Variants in NOX1 observed in about 807,000 individuals in gnomAD.
The protein encoded by NOX1 is NADPH oxidase 1.
A neutral mutation model predicts 42.5 loss-of-function variants in NOX1; 34 were observed. That is an observed-to-expected ratio of 0.80 (90% CI 0.61 to 1.07). The LOEUF is 1.07. Ranked by LOEUF, NOX1 falls within the 50% of genes least tolerant of loss-of-function variation. NOX1 has a pLI of 0.00. For missense variants in NOX1, 408 were observed against 427.0 expected (o/e 0.96, Z 0.39); for synonymous variants, 143 against 152.5 (o/e 0.94, Z 0.46).
chrX:100,872,917 A>G (rs184616440), intron 1 of NOX1, among the ~76,000 whole-genome samples: 1 of 109,878 alleles, frequency 9.1e-6, no homozygotes, highest in African/African-American at 3.3e-5. Context: ...GGAACTCAAT[A>G]TAAGGCATTG....
intron 7 of NOX1, among the ~76,000 whole-genome samples, chrX:100,859,345 C>T (rs902786894): frequency 1.6e-4 from 18 of 111,621 alleles, no homozygotes; most frequent in African/African-American, 3.3e-4. Flanking sequence ...AGTATTTTGT[C>T]GAGGATTTTT....
In NOX1 at chrX:100,862,234, A is replaced by G; in HGVS notation, c.741T>C (p.Phe247=). 1.7e-6 allele frequency: 2 copies of G among 1,210,067 alleles called. No homozygotes were observed. Among genetic ancestry groups the G allele is most frequent in the Non-Finnish European group, 2.2e-6 (2 of 894,118 alleles). ...GGGAGTCACGATCATCCCACATCTC[A>G]AAAGACTCTGCACACTTGCGAGGAT... The part of the protein sequence containing the change: ...ESHPRKCAES[F]EMWDDRDSHC... Residue 247 remains phenylalanine (F), a synonymous_variant, in exon 7 of 13, where the codon TTT becomes TTC. Transcript: ENST00000372966.
At chrX:100,856,462 G>A in intron 7 of NOX1, 1 of 427,822 alleles carries the variant, frequency 2.3e-6, no homozygotes, top group Non-Finnish European at 4.1e-6. Context: ...CTATCTTTAA[G>A]GTCCTCTTGT....
Position 100,862,582 on chromosome X carries a change from G to A in NOX1, c.490-9C>T. On this transcript the variant is annotated splice_polypyrimidine_tract_variant and intron_variant, in intron 5 of 12. Coordinates refer to ENST00000372966, the MANE Select transcript of NOX1 (RefSeq NM_007052.5). ...GTCACATACTCCACTGTCTGTGAAA[G>A]GAGAAATGTCAGCCTGACACAATGT... 1.7e-6 allele frequency: 2 copies of A among 1,204,704 alleles called. No homozygotes were observed. Among genetic ancestry groups the A allele is most frequent in the Non-Finnish European group, 2.2e-6 (2 of 890,887 alleles).
At chrX:100,868,008 A>T (rs1423082375) in intron 2 of NOX1, among the ~76,000 whole-genome samples, 2 of 112,215 alleles carry the variant, frequency 1.8e-5, no homozygotes, top group Non-Finnish European at 3.8e-5. Flanking sequence ...AGCATAATTT[A>T]TTTTTGTGCT....
intron 2 of NOX1, among the ~76,000 whole-genome samples, chrX:100,863,922 A>G (rs758147057): frequency 8.9e-6 from 1 of 112,326 alleles, no homozygotes; most frequent in Non-Finnish European, 1.9e-5. Flanking sequence ...ACTCTTTATT[A>G]TAATTTTGTT....
At chrX:100,852,387 C>T (rs1330483068) in intron 7 of NOX1, among the ~76,000 whole-genome samples, 2 of 111,153 alleles carry the variant, frequency 1.8e-5, no homozygotes, top group South Asian at 3.8e-4. Flanking sequence ...GAGAATCACT[C>T]GAACCCAGGA....
chrX:100,870,862 A>G (rs750365301), intron 1 of NOX1, 48 bp from the exon 2 acceptor site: 1 of 830,765 alleles, frequency 1.2e-6, no homozygotes, highest in Non-Finnish European at 1.8e-6. Context: ...AAATTTGAGT[A>G]TGGGAAGGAG....
chrX:100,852,647 T>C (rs186392757), intron 7 of NOX1, among the ~76,000 whole-genome samples: 1 of 111,945 alleles, frequency 8.9e-6, no homozygotes, highest in East Asian at 2.8e-4. Flanking sequence ...GTGAGGTTTC[T>C]TAAGCTGGTG....
chrX:100,863,747 C>T, intron 2 of NOX1, 152 bp from the exon 3 acceptor site: 1 of 897,779 alleles, frequency 1.1e-6, no homozygotes, highest in Non-Finnish European at 1.5e-6. Flanking sequence ...TCAGGCCAGG[C>T]TCTGTTTGCA....
intron 7 of NOX1, among the ~76,000 whole-genome samples, chrX:100,859,639 T>A (rs1458266794): frequency 9.0e-6 from 1 of 110,711 alleles, no homozygotes; most frequent in Non-Finnish European, 1.9e-5. Context: ...TGCTCAGGGA[T>A]TAAATTTCTT....
chrX:100,845,307 T>TA, intron 12 of NOX1, among the ~76,000 whole-genome samples: 1 of 112,088 alleles, frequency 8.9e-6, no homozygotes, highest in Admixed American at 9.4e-5. Context: ...AGTGGAATCA[T>TA]ACAATACATG....
chrX:100,843,464 T>A lies in NOX1; in HGVS notation c.*488A>T. 1.8e-6 allele frequency: 2 copies of A among 1,098,552 alleles called. No homozygotes were observed. The highest frequency in any genetic ancestry group is 7.1e-5 in the East Asian group (2 of 27,991). 90.5% of individuals were successfully genotyped at this position (1,098,552 alleles called of 1,213,427 possible). On this transcript the variant is annotated 3_prime_UTR_variant, in exon 13 of 13. Coordinates refer to ENST00000372966, the MANE Select transcript of NOX1 (RefSeq NM_007052.5). ...ATATGGGGATGGGGTTCTCGGTAAT[T>A]TTGTTTATTATTTATGTTTATTATT...
Position 100,849,860 on chromosome X carries a change from G to T in NOX1, c.1208C>A (p.Ala403Glu). The T allele has an allele frequency of 8.3e-7, 1 of 1,210,585 alleles. No homozygotes were observed. The highest frequency in any genetic ancestry group is 1.1e-6 in the Non-Finnish European group (1 of 894,665). ...AGCAAAGGGGGTGACCCCAATTCCT[G>T]CTCCAACCAGCACAGCCACTTCATA... The part of the protein sequence containing the change: ...FQYEVAVLVG[A>E]GIGVTPFASI... Residue 403 changes from alanine to glutamate, a missense_variant, in exon 10 of 13, where the codon GCA (alanine) becomes GAA (glutamate). Transcript: ENST00000372966.
At chrX:100,852,781 T>A (rs770334436) in intron 7 of NOX1, among the ~76,000 whole-genome samples, 28 of 112,272 alleles carry the variant, frequency 2.5e-4, no homozygotes, top group Middle Eastern at 9.2e-3. Flanking sequence ...CCAGCTCAAT[T>A]TGAGGAAAAA....
At position 100,852,239 on chromosome X, in the gene NOX1, C is replaced by T. The variant is rs181568528; in HGVS notation, c.805-914G>A. ...ATCCCAGCACCTTGGGAAGCCAAGG[C>T]GGGTGGATCACTTGAGATCAGGAGT... On this transcript the variant is annotated intron_variant, in intron 7 of 12. Coordinates refer to ENST00000372966, the MANE Select transcript of NOX1 (RefSeq NM_007052.5). 4.2e-4 allele frequency among the ~76,000 whole-genome samples: 47 copies of T among 111,862 alleles called. 1 individual carries two copies. The highest frequency in any genetic ancestry group is 1.4e-3 in the African/African-American group (44 of 30,784).
At chrX:100,853,347 T>C (rs187147739) in intron 7 of NOX1, among the ~76,000 whole-genome samples, 6 of 95,599 alleles carry the variant, frequency 6.3e-5, no homozygotes, top group Non-Finnish European at 1.0e-4. Context: ...TCTTTCTTTC[T>C]TTCTTTCTTT....
At chrX:100,850,002 C>T in intron 9 of NOX1, 68 bp from the exon 10 acceptor site, 2 of 1,069,828 alleles carry the variant, frequency 1.9e-6, no homozygotes, top group South Asian at 2.2e-5. Context: ...AACATCCTCC[C>T]AGAAATATAG....
chrX:100,853,302 C>CTCTCTCTT (rs2085135792), intron 7 of NOX1, among the ~76,000 whole-genome samples: 3 of 73,338 alleles, frequency 4.1e-5, no homozygotes, highest in African/African-American at 1.6e-4. Flanking sequence ...TTCTTTCTTT[C>CTCTCTCTT]TTTCTTTCTT....
Sources: allele counts gnomAD v4.1 joint callset (sites outside exome capture counted in the v4.1 genomes callset), GRCh38; gene constraint gnomAD v4.1.1; transcripts MANE v1.5; gene names NCBI Gene and HGNC (gene_info 2026-07-23, HGNC 2026-07-21).